ROBO2: variants seen among roughly 807,000 people sequenced by gnomAD.
ROBO2 encodes the protein roundabout guidance receptor 2, also known as roundabout homolog 2.
A neutral mutation model predicts 160.8 loss-of-function variants in ROBO2; 53 were observed. The ratio of observed to expected loss-of-function variants is 0.33; its 90% CI spans 0.26 to 0.41. The LOEUF is 0.41. ROBO2 is among the 10% of genes least tolerant of loss of function. The pLI is 1.00. For synonymous variants in ROBO2, 664 were observed against 611.7 expected (o/e 1.09, Z -1.26); for missense variants, 1,577 against 1,722.4 (o/e 0.92, Z 1.49).
intron 2 of ROBO2, among the ~76,000 whole-genome samples, chr3:77,467,628 T>TATCTATC (rs2153577293): frequency 7.0e-6 from 1 of 142,230 alleles, no homozygotes; most frequent in East Asian, 2.1e-4. Context: ...TCTATCTATC[T>TATCTATC]ATCATCTATC....
intron 2 of ROBO2, among the ~76,000 whole-genome samples, chr3:77,335,192 A>G (rs907557494): frequency 6.6e-6 from 1 of 152,142 alleles, no homozygotes; most frequent in Non-Finnish European, 1.5e-5. Flanking sequence ...AGATTCTTTG[A>G]GGACAGGAGT....
At chr3:76,262,875 C>T (rs578250164) in intron 2 of ROBO2, among the ~76,000 whole-genome samples, 2 of 152,014 alleles carry the variant, frequency 1.3e-5, no homozygotes, top group East Asian at 3.9e-4. Context: ...ATACTTCTAC[C>T]AAATTGGTTC....
chr3:77,511,440 A>C (rs2089383896), intron 5 of ROBO2, among the ~76,000 whole-genome samples: 1 of 151,988 alleles, frequency 6.6e-6, no homozygotes, highest in Non-Finnish European at 1.5e-5. Context: ...GCATCGGTTC[A>C]AGTCCTAGTC....
At chr3:76,959,541 A>G (rs2149223519) in intron 2 of ROBO2, among the ~76,000 whole-genome samples, 1 of 152,328 alleles carries the variant, frequency 6.6e-6, no homozygotes, top group East Asian at 1.9e-4. Context: ...TACAGTGTTC[A>G]AAGACATTTC....
intron 1 of ROBO2, among the ~76,000 whole-genome samples, chr3:75,936,717 T>C (rs1947795752): frequency 1.3e-5 from 2 of 152,114 alleles, no homozygotes; most frequent in Non-Finnish European, 2.9e-5. Context: ...TTAGAGCTAC[T>C]GTGTATCATT....
At chr3:76,820,771 T>C (rs182431457) in intron 2 of ROBO2, among the ~76,000 whole-genome samples, 1 of 152,026 alleles carries the variant, frequency 6.6e-6, no homozygotes, top group Non-Finnish European at 1.5e-5. Context: ...AATGTATAGA[T>C]GATTCTGTAT....
chr3:76,464,192 G>A (rs1296129323), intron 2 of ROBO2, among the ~76,000 whole-genome samples: 1 of 152,106 alleles, frequency 6.6e-6, no homozygotes, highest in Non-Finnish European at 1.5e-5. Flanking sequence ...AGGAAAGGCT[G>A]AAAGATTTTG....
At chr3:76,250,504 G>T (rs541019875) in intron 2 of ROBO2, among the ~76,000 whole-genome samples, 1 of 152,094 alleles carries the variant, frequency 6.6e-6, no homozygotes, top group Admixed American at 6.6e-5. Context: ...CGTTTTGCGT[G>T]TAGGAGAGTT....
intron 2 of ROBO2, among the ~76,000 whole-genome samples, chr3:77,241,145 A>G (rs2088977603): frequency 6.6e-6 from 1 of 152,196 alleles, no homozygotes; most frequent in Admixed American, 6.5e-5. Flanking sequence ...TTCATATTTG[A>G]TCATTTGTGC....
At chr3:76,367,604 A>G (rs904889445) in intron 2 of ROBO2, among the ~76,000 whole-genome samples, 2 of 152,002 alleles carry the variant, frequency 1.3e-5, no homozygotes, top group East Asian at 1.9e-4. Context: ...TCTGCAGGAA[A>G]CTACACAAAA....
intron 5 of ROBO2, among the ~76,000 whole-genome samples, chr3:77,519,690 T>A (rs530191409): frequency 7.9e-5 from 12 of 151,490 alleles, no homozygotes; most frequent in Non-Finnish European, 1.8e-4. Context: ...GATGGGCACC[T>A]AGGTTGATTC....
chr3:77,375,744 T>C (rs551407895), intron 2 of ROBO2, among the ~76,000 whole-genome samples: 113 of 152,256 alleles, frequency 7.4e-4, no homozygotes, highest in South Asian at 3.1e-3. Flanking sequence ...ATGTGTGAGA[T>C]ATCCCCATGC....
intron 2 of ROBO2, among the ~76,000 whole-genome samples, chr3:76,958,460 A>T (rs1379476966): frequency 6.6e-6 from 1 of 152,252 alleles, no homozygotes. Flanking sequence ...CCCCAATTGC[A>T]ATGATGTAAC....
intron 2 of ROBO2, among the ~76,000 whole-genome samples, chr3:76,745,166 T>C (rs2093865467): frequency 6.6e-6 from 1 of 152,152 alleles, no homozygotes; most frequent in African/African-American, 2.4e-5. Context: ...AAAGTGGCAT[T>C]TTGAGGGGAA....
chr3:77,090,302 C>A (rs1432585587), intron 1 of ROBO2, among the ~76,000 whole-genome samples: 1 of 79,728 alleles, frequency 1.3e-5, no homozygotes. Flanking sequence ...TATATGATTT[C>A]TTTTAATCTT....
chr3:76,288,495 C>A (rs1293675018), intron 2 of ROBO2, among the ~76,000 whole-genome samples: 1 of 146,296 alleles, frequency 6.8e-6, no homozygotes. Context: ...TTTTTTTTTT[C>A]ATTTCCAACT....
At chr3:76,267,404 C>G (rs1329009160) in intron 2 of ROBO2, among the ~76,000 whole-genome samples, 1 of 152,156 alleles carries the variant, frequency 6.6e-6, no homozygotes, top group Non-Finnish European at 1.5e-5. Context: ...TTCAAGCCTT[C>G]ACATTCGTGG....
intron 2 of ROBO2, among the ~76,000 whole-genome samples, chr3:76,431,689 T>C (rs1380392041): frequency 2.6e-5 from 4 of 152,070 alleles, no homozygotes; most frequent in Admixed American, 6.6e-5. Flanking sequence ...GCCAAATGAG[T>C]ATTTCGTGAC....
chr3:76,629,315 T>C (rs1378857941), intron 2 of ROBO2, among the ~76,000 whole-genome samples: 1 of 152,186 alleles, frequency 6.6e-6, no homozygotes, highest in Admixed American at 6.5e-5. Flanking sequence ...GTCAGGGTTC[T>C]CTAGAGGGAC....
Sources: allele counts gnomAD v4.1 joint callset (sites outside exome capture counted in the v4.1 genomes callset), GRCh38; gene constraint gnomAD v4.1.1; transcripts MANE v1.5; gene names NCBI Gene and HGNC (gene_info 2026-07-23, HGNC 2026-07-21).